The following SH3GL2 variants were observed in gnomAD, a reference collection of about 807,000 sequenced individuals.
SH3GL2 encodes endophilin-A1.
SH3GL2 carries 24 observed loss-of-function variants against 46.0 expected under a neutral mutation model. The observed-to-expected ratio is 0.52, with a 90% CI of 0.38 to 0.73. SH3GL2 has a LOEUF of 0.73. Ranked by LOEUF, SH3GL2 falls within the 30% of genes least tolerant of loss-of-function variation. The pLI is 0.00. For synonymous variants in SH3GL2, 196 were observed against 147.1 expected (o/e 1.33, Z -2.40); for missense variants, 413 against 424.2 (o/e 0.97, Z 0.23).
chr9:17,617,882 T>C (rs1431047157), intron 1 of SH3GL2, among the ~76,000 whole-genome samples: 1 of 152,160 alleles, frequency 6.6e-6, no homozygotes, highest in Non-Finnish European at 1.5e-5. Flanking sequence ...ATCAGATATC[T>C]TGGGTGGAGC....
intron 1 of SH3GL2, among the ~76,000 whole-genome samples, chr9:17,654,565 G>C (rs1270877123): frequency 6.6e-6 from 1 of 152,150 alleles, no homozygotes; most frequent in South Asian, 2.1e-4. Context: ...ATTAGGGCTT[G>C]GAATGAATAG....
At chr9:17,648,791 G>A (rs1319752741) in intron 1 of SH3GL2, among the ~76,000 whole-genome samples, 2 of 152,074 alleles carry the variant, frequency 1.3e-5, no homozygotes, top group Non-Finnish European at 2.9e-5. Flanking sequence ...GATAATGTTT[G>A]GTTCATTCAG....
chr9:17,599,179 AGT>A (rs1275624238), intron 1 of SH3GL2, among the ~76,000 whole-genome samples: 1 of 152,186 alleles, frequency 6.6e-6, no homozygotes, highest in African/African-American at 2.4e-5. Context: ...AAGGTAAAAG[AGT>A]GTAAAAAGAA....
chr9:17,645,091 C>CT (rs1381983545), intron 1 of SH3GL2, among the ~76,000 whole-genome samples: 3 of 135,204 alleles, frequency 2.2e-5, no homozygotes, highest in African/African-American at 8.6e-5. Context: ...CCTTCTTTGT[C>CT]TTTTTTGATC....
intron 2 of SH3GL2, among the ~76,000 whole-genome samples, chr9:17,752,580 C>G (rs1218518840): frequency 6.6e-6 from 1 of 152,060 alleles, no homozygotes; most frequent in Non-Finnish European, 1.5e-5. Context: ...TCACTATCAC[C>G]TCAAACTTCT....
At chr9:17,715,364 A>T (rs982408845) in intron 1 of SH3GL2, among the ~76,000 whole-genome samples, 1 of 151,584 alleles carries the variant, frequency 6.6e-6, no homozygotes, top group Non-Finnish European at 1.5e-5. Context: ...TGTTTTACTG[A>T]AGTTTGGACA....
At chr9:17,671,930 A>T (rs925761420) in intron 1 of SH3GL2, among the ~76,000 whole-genome samples, 1 of 152,336 alleles carries the variant, frequency 6.6e-6, no homozygotes, top group East Asian at 1.9e-4. Flanking sequence ...GTGTTACCTC[A>T]ACAAAGATTG....
chr9:17,673,610 T>G (rs1388937133), intron 1 of SH3GL2, among the ~76,000 whole-genome samples: 2 of 152,178 alleles, frequency 1.3e-5, no homozygotes, highest in African/African-American at 4.8e-5. Flanking sequence ...TCTGAGCTCT[T>G]TGACTTGACC....
chr9:17,587,837 A>G (rs1421760535), intron 1 of SH3GL2, among the ~76,000 whole-genome samples: 5 of 151,886 alleles, frequency 3.3e-5, no homozygotes, highest in Non-Finnish European at 7.4e-5. Flanking sequence ...AGTGAGCCAG[A>G]TTGCACCACT....
chr9:17,775,793 C>G (rs1023450124), intron 3 of SH3GL2, among the ~76,000 whole-genome samples: 4 of 152,090 alleles, frequency 2.6e-5, no homozygotes, highest in African/African-American at 9.7e-5. Context: ...CCCCAACAGT[C>G]AGAACATAAA....
rs578246216 is a variant in SH3GL2 at position 17,789,106 on chromosome 9, C to T, written c.466-286C>T. ...CTGTTTCTGTCATGGGCTGCAAAGG[C>T]TTAGTCCAGCTTGGCTTTGGCCTGA... On this transcript the variant is annotated intron_variant, in intron 5 of 8. Transcript: ENST00000380607. Among the ~76,000 whole-genome samples the T allele has an allele frequency of 3.9e-5, 6 of 152,310 alleles. No homozygotes were observed. In the East Asian group the frequency reaches 1.2e-3, roughly 29 times the overall value.
At chr9:17,649,254 G>A (rs1197979383) in intron 1 of SH3GL2, among the ~76,000 whole-genome samples, 1 of 152,108 alleles carries the variant, frequency 6.6e-6, no homozygotes, top group African/African-American at 2.4e-5. Flanking sequence ...TTTAGTAGAG[G>A]CAGGGTTTTG....
intron 1 of SH3GL2, among the ~76,000 whole-genome samples, chr9:17,599,192 AAT>A (rs1818625854): frequency 6.6e-6 from 1 of 152,210 alleles, no homozygotes; most frequent in Non-Finnish European, 1.5e-5. Context: ...GTAAAAAGAA[AAT>A]ATGGTTTCTT....
At chr9:17,790,524 T>C (rs1824096848) in intron 6 of SH3GL2, 1 of 439,288 alleles carries the variant, frequency 2.3e-6, no homozygotes, top group Admixed American at 6.4e-5. Flanking sequence ...AGAGGAATAC[T>C]GTGTGCATGA....
intron 1 of SH3GL2, among the ~76,000 whole-genome samples, chr9:17,641,523 G>A (rs1243260273): frequency 1.3e-5 from 2 of 152,082 alleles, no homozygotes; most frequent in African/African-American, 4.8e-5. Flanking sequence ...CATGTGCCAT[G>A]GTAGTTTGCT....
chr9:17,793,121 A>G (rs1181011719), intron 7 of SH3GL2, among the ~76,000 whole-genome samples: 1 of 152,156 alleles, frequency 6.6e-6, no homozygotes, highest in African/African-American at 2.4e-5. Context: ...ACTCTGAATA[A>G]ATGAGAGAGG....
chr9:17,757,294 C>G (rs867218964), intron 2 of SH3GL2, among the ~76,000 whole-genome samples: 8 of 152,100 alleles, frequency 5.3e-5, no homozygotes, highest in Non-Finnish European at 1.2e-4. Flanking sequence ...GCAACAAAAG[C>G]CAAAATTGAC....
At chr9:17,758,243 A>G (rs1823059010) in intron 2 of SH3GL2, among the ~76,000 whole-genome samples, 1 of 152,096 alleles carries the variant, frequency 6.6e-6, no homozygotes, top group Admixed American at 6.6e-5. Context: ...TATGTCCATG[A>G]AGTCTATCAA....
intron 3 of SH3GL2, among the ~76,000 whole-genome samples, chr9:17,768,363 T>G (rs1823376436): frequency 8.3e-6 from 1 of 120,432 alleles, no homozygotes; most frequent in Non-Finnish European, 1.6e-5. Flanking sequence ...AGAGCGGGAC[T>G]CTGTCTCAAA....
Sources: allele counts gnomAD v4.1 joint callset (sites outside exome capture counted in the v4.1 genomes callset), GRCh38; gene constraint gnomAD v4.1.1; transcripts MANE v1.5; gene names NCBI Gene and HGNC (gene_info 2026-07-23, HGNC 2026-07-21).